ILKAP: variants seen among roughly 807,000 people sequenced by gnomAD.
ILKAP encodes the protein integrin-linked kinase-associated serine/threonine phosphatase 2C.
Under a neutral mutation model 49.1 loss-of-function variants are expected in ILKAP, and 11 were observed. That is an observed-to-expected ratio of 0.22 (90% CI 0.14 to 0.37). The LOEUF (loss-of-function observed/expected upper bound fraction) is 0.37, where lower values mean the gene tolerates loss of function less well. Ranked by LOEUF, ILKAP falls within the 10% of genes least tolerant of loss-of-function variation. ILKAP has a pLI of 1.00. For missense variants in ILKAP, 363 were observed against 510.8 expected (o/e 0.71, Z 2.79); for synonymous variants, 186 against 192.8 (o/e 0.96, Z 0.29).
chr2:238,196,043 C>CAAAAAAA (rs71043116), intron 1 of ILKAP, among the ~76,000 whole-genome samples: 236 of 67,350 alleles, frequency 3.5e-3, no homozygotes, highest in Non-Finnish European at 4.3e-3. Context: ...GACTCTGTCA[C>CAAAAAAA]AAAAAAAAAA....
rs572770696 is a variant in ILKAP, at chr2:238,181,998, AG to A, written c.836+66del. 6.5e-4 allele frequency: 1,024 copies of A among 1,571,166 alleles called. 9 individuals are homozygous for A. The African/African-American group carries it at 0.012, about 19-fold the overall frequency. On this transcript the variant is annotated intron_variant, in intron 9 of 11. Coordinates refer to ENST00000254654, the MANE Select transcript of ILKAP (RefSeq NM_030768.3). ...TAACAGGGGAAGTTCTACTCCTTGA[AG>A]GTCTCGGGACCCTTCTACAGCTAAC...
Position 238,170,581 on chromosome 2 carries a change from GC to G in ILKAP, c.1133del (p.Gly378AlafsTer8), listed in dbSNP as rs1434142453. On this transcript the variant is annotated frameshift_variant, in exon 12 of 12. Transcript: ENST00000254654. LOFTEE classifies it high-confidence loss of function. ...NRLANKAVQRGSADNVTVMVV... is the reference protein window; with the variant it reads ...NRLANKAVQRXSADNVTVMVV... ...CCATCACAGTGACGTTGTCGGCCGA[GC>G]CCCGCTGCACCGCCTTGTTGGCCAG... 1 of 1,607,688 alleles carries G rather than the reference GC, an allele frequency of 6.2e-7. No homozygotes were observed. The highest frequency in any genetic ancestry group is 1.1e-5 in the South Asian group (1 of 90,904).
chr2:238,200,439 G>A (rs921163002), intron 1 of ILKAP, among the ~76,000 whole-genome samples: 2 of 152,196 alleles, frequency 1.3e-5, no homozygotes, highest in African/African-American at 2.4e-5. Flanking sequence ...CATTTGATGT[G>A]ATATAAGCAG....
chr2:238,191,297 AATTTTTGT>A (rs1434729611), intron 3 of ILKAP, among the ~76,000 whole-genome samples: 3 of 151,904 alleles, frequency 2.0e-5, no homozygotes, highest in Non-Finnish European at 2.9e-5. Flanking sequence ...ACACCCAGCT[AATTTTTGT>A]ATTTTTGTAT....
chr2:238,202,352 G>A (rs906395491), intron 1 of ILKAP, among the ~76,000 whole-genome samples: 5 of 152,080 alleles, frequency 3.3e-5, no homozygotes, highest in East Asian at 3.8e-4. Context: ...CTCCTCAAGA[G>A]TCCTCAGCAT....
chr2:238,185,819 A>G (rs1438622293), intron 5 of ILKAP: 4 of 153,380 alleles, frequency 2.6e-5, no homozygotes, highest in Non-Finnish European at 4.4e-5. Flanking sequence ...AAAAAAAACA[A>G]AAACACTGTG....
intron 2 of ILKAP, 148 bp from the exon 3 acceptor site, chr2:238,194,479 A>C: frequency 1.5e-6 from 1 of 672,610 alleles, no homozygotes; most frequent in Non-Finnish European, 2.6e-6. Context: ...TGCAATGAAT[A>C]ATATCTTGAA....
At chr2:238,170,908 T>G in intron 11 of ILKAP, 35 bp downstream of exon 11, 1 of 1,583,228 alleles carries the variant, frequency 6.3e-7, no homozygotes, top group Non-Finnish European at 8.7e-7. Flanking sequence ...AAGACACAAT[T>G]GGGACAACCA....
chr2:238,173,788 T>C, intron 9 of ILKAP, 135 bp from the exon 10 acceptor site: 1 of 1,056,374 alleles, frequency 9.5e-7, no homozygotes, highest in Non-Finnish European at 1.3e-6. Flanking sequence ...TAACCACTAC[T>C]GACATTTCTT....
intron 6 of ILKAP, among the ~76,000 whole-genome samples, chr2:238,184,709 T>C (rs993030341): frequency 6.7e-5 from 10 of 148,594 alleles, no homozygotes; most frequent in African/African-American, 2.5e-4. Flanking sequence ...CACAGGCACA[T>C]ACCACCATGT....
chr2:238,191,056 G>C (rs1694102013), intron 3 of ILKAP, among the ~76,000 whole-genome samples: 1 of 152,106 alleles, frequency 6.6e-6, no homozygotes, highest in East Asian at 1.9e-4. Flanking sequence ...CTGTGTTCAA[G>C]TGATCCTTCC....
intron 10 of ILKAP, among the ~76,000 whole-genome samples, chr2:238,172,973 G>A (rs1301787837): frequency 8.5e-5 from 13 of 152,252 alleles, no homozygotes; most frequent in African/African-American, 1.2e-4. Context: ...GCACGGTGCC[G>A]TACCCTTAGG....
chr2:238,201,217 T>C (rs904263181), intron 1 of ILKAP, among the ~76,000 whole-genome samples: 16 of 152,210 alleles, frequency 1.1e-4, no homozygotes, highest in African/African-American at 3.1e-4. Flanking sequence ...TTCACAAGTA[T>C]GTGAAACCAG....
chr2:238,170,772 C>G, intron 11 of ILKAP, 96 bp from the exon 12 acceptor site: 1 of 1,574,910 alleles, frequency 6.3e-7, no homozygotes, highest in Non-Finnish European at 8.7e-7. Flanking sequence ...GCTCTGGTCT[C>G]CATCAGGGCT....
chr2:238,178,012 AAAC>A (rs879941839), intron 9 of ILKAP, among the ~76,000 whole-genome samples: 11 of 152,332 alleles, frequency 7.2e-5, no homozygotes, highest in Admixed American at 3.9e-4. Flanking sequence ...GATAAACTGA[AAAC>A]AATAAACTGA....
Position 238,170,461 on chromosome 2 carries a change from AACACACAATGTGC to A in ILKAP, c.*62_*74del, listed in dbSNP as rs1693157633. ...ATGGGAGTCCCACAGGAGTACACAA[AACACACAATGTGC>A]ACACACACAAAATGAACCTTTTAAG... is the stretch of plus-strand genomic sequence containing the variant. On this transcript the variant is annotated 3_prime_UTR_variant, in exon 12 of 12. Transcript: ENST00000254654. 1 of 1,480,458 alleles carries A rather than the reference AACACACAATGTGC, an allele frequency of 6.8e-7. No homozygotes were observed. The highest frequency in any genetic ancestry group is 1.4e-5 in the African/African-American group (1 of 71,234). 91.7% of individuals were successfully genotyped at this position (1,480,458 alleles called of 1,614,324 possible). A position where few individuals can be genotyped will look rare whatever the true frequency, so the allele number is the denominator to read the frequency against.
Position 238,194,229 on chromosome 2 carries a change from C to T in ILKAP, c.178+46G>A, listed in dbSNP as rs1168966380. The T allele has an allele frequency of 4.0e-6, 6 of 1,510,414 alleles. No homozygotes were observed. In the South Asian group the frequency reaches 5.6e-5, roughly 14 times the overall value. The allele number at this position is 1,510,414 out of a possible 1,614,324, so 93.6% of individuals were successfully genotyped here. A position where few individuals can be genotyped will look rare whatever the true frequency, so the allele number is the denominator to read the frequency against. ...ATAAATTTCACATAAGAGTAAAATA[C>T]TATGTATTATTTCCATCAGCACCTT... On this transcript the variant is annotated intron_variant, in intron 3 of 11. Coordinates refer to ENST00000254654, the MANE Select transcript of ILKAP (RefSeq NM_030768.3).
In ILKAP at chr2:238,179,773, C is replaced by T. The variant is rs1013234739; in HGVS notation, c.836+2292G>A. On this transcript the variant is annotated intron_variant, in intron 9 of 11. Coordinates refer to ENST00000254654, the MANE Select transcript of ILKAP (RefSeq NM_030768.3). ...ATCTGAATCTAAAGAAGGTCTTACA[C>T]CTAACTTCCAGTTTATAGGAAATAT... is the stretch of plus-strand genomic sequence containing the variant. Among the ~76,000 whole-genome samples the T allele has an allele frequency of 3.9e-5, 6 of 152,164 alleles. No individual in the cohort carries two copies. The South Asian group carries it at 8.3e-4, about 21-fold the overall frequency.
At chr2:238,175,665 G>A (rs1054110672) in intron 9 of ILKAP, among the ~76,000 whole-genome samples, 38 of 152,162 alleles carry the variant, frequency 2.5e-4, no homozygotes, top group Non-Finnish European at 2.4e-4. Flanking sequence ...CTCTGTTCTG[G>A]AAACTTTGGT....
Sources: gnomAD v4.1 joint callset for allele counts (sites outside exome capture counted in the v4.1 genomes callset) on GRCh38, gnomAD v4.1.1 for gene constraint, MANE v1.5 for transcripts, NCBI Gene and HGNC (gene_info 2026-07-23, HGNC 2026-07-21) for gene names.